STARD13: variants seen among roughly 807,000 people sequenced by gnomAD.
The protein encoded by STARD13 is StAR related lipid transfer domain containing 13, also known as stAR-related lipid transfer protein 13.
Under a neutral mutation model 106.4 loss-of-function variants are expected in STARD13, and 62 were observed. The ratio of observed to expected loss-of-function variants is 0.58; its 90% CI spans 0.48 to 0.72. STARD13 has a LOEUF of 0.72. Among genes scored for constraint, STARD13 ranks in the 30% least tolerant of loss-of-function variants. The probability of loss-of-function intolerance (pLI) is 0.00; values close to 1 mark genes in which losing one functional copy is unlikely to be tolerated. For synonymous variants in STARD13, 565 were observed against 553.0 expected (o/e 1.02, Z -0.31); for missense variants, 1,387 against 1,424.0 (o/e 0.97, Z 0.42).
rs530501025 is a variant in STARD13, at chr13:33,118,513, C to T, written c.2083-250G>A. Among the ~76,000 whole-genome samples, 8 of 152,258 alleles carry T rather than the reference C, an allele frequency of 5.3e-5. No homozygotes were observed. In the South Asian group the frequency reaches 1.5e-3, roughly 28 times the overall value. On this transcript the variant is annotated intron_variant, in intron 7 of 13. Coordinates refer to ENST00000336934, the MANE Select transcript of STARD13 (RefSeq NM_178006.4). ...AGGAAATAGATGTGCATGTGCTTTG[C>T]GACCTGTTACATCTTATCACACTGC...
chr13:33,540,361 T>C, the STARD13 span, among the ~76,000 whole-genome samples: 25 of 152,312 alleles, frequency 1.6e-4, no homozygotes, highest in African/African-American at 6.0e-4. Context: ...ATCACTACTA[T>C]TGGGCCTTGG....
intron 1 of STARD13, among the ~76,000 whole-genome samples, chr13:33,315,907 G>A (rs1289131597): frequency 6.6e-6 from 1 of 152,014 alleles, no homozygotes; most frequent in Non-Finnish European, 1.5e-5. Context: ...TGGGAGCAGT[G>A]GTTGATGCTC....
chr13:33,569,334 A>T, the STARD13 span, among the ~76,000 whole-genome samples: 10 of 148,108 alleles, frequency 6.8e-5, no homozygotes, highest in African/African-American at 2.5e-4. Flanking sequence ...AGCTGTAAAA[A>T]TACATAACCA....
At chr13:33,400,170 T>A in the STARD13 span, among the ~76,000 whole-genome samples, 331 of 152,262 alleles carry the variant, frequency 2.2e-3, no homozygotes, top group African/African-American at 7.8e-3. Flanking sequence ...ACCATCCTAC[T>A]CTCTGCTTCA....
At chr13:33,108,838 G>A (rs1373701833) in intron 12 of STARD13, among the ~76,000 whole-genome samples, 1 of 152,204 alleles carries the variant, frequency 6.6e-6, no homozygotes, top group East Asian at 1.9e-4. Flanking sequence ...GTGAAAGCAT[G>A]AAGTTTAATT....
the STARD13 span, among the ~76,000 whole-genome samples, chr13:33,424,147 A>G: frequency 1.3e-5 from 2 of 152,160 alleles, no homozygotes; most frequent in African/African-American, 4.8e-5. Flanking sequence ...CTGTTATACC[A>G]AAACAACCAA....
At chr13:33,314,271 G>A (rs957769225) in intron 1 of STARD13, among the ~76,000 whole-genome samples, 12 of 152,156 alleles carry the variant, frequency 7.9e-5, no homozygotes, top group Non-Finnish European at 1.5e-4. Flanking sequence ...AGAGATAGTG[G>A]CATCAGAGAA....
chr13:33,379,777 C>A, the STARD13 span, among the ~76,000 whole-genome samples: 1 of 152,344 alleles, frequency 6.6e-6, no homozygotes, highest in South Asian at 2.1e-4. Flanking sequence ...GGGATTCACA[C>A]CTGGCATTCT....
At chr13:33,218,822 A>G (rs1293703984) in intron 1 of STARD13, among the ~76,000 whole-genome samples, 3 of 152,226 alleles carry the variant, frequency 2.0e-5, no homozygotes, top group African/African-American at 7.2e-5. Context: ...TAAGATTTTG[A>G]TATTAAAAAG....
intron 1 of STARD13, among the ~76,000 whole-genome samples, chr13:33,341,556 A>C (rs1051845931): frequency 6.7e-6 from 1 of 149,714 alleles, no homozygotes. Flanking sequence ...GTGCCACTGC[A>C]CTCCAGCCTG....
chr13:33,350,540 G>A (rs2078066538), exon 1 of STARD13: 2 of 1,437,080 alleles, frequency 1.4e-6, no homozygotes, highest in Non-Finnish European at 1.8e-6. Flanking sequence ...GACCCAATGC[G>A]GGCGCGACAT....
At chr13:33,519,222 T>TTCTG in the STARD13 span, among the ~76,000 whole-genome samples, 7 of 142,294 alleles carry the variant, frequency 4.9e-5, no homozygotes, top group Non-Finnish European at 9.1e-5. Flanking sequence ...CTTTCTTTCT[T>TTCTG]TCTTTCTTTC....
the STARD13 span, among the ~76,000 whole-genome samples, chr13:33,602,974 T>C: frequency 1.3e-5 from 2 of 152,188 alleles, no homozygotes; most frequent in Non-Finnish European, 2.9e-5. Flanking sequence ...GACAGTTGTT[T>C]TGGGATAAAC....
At chr13:33,298,598 G>A (rs1009454857) in intron 1 of STARD13, among the ~76,000 whole-genome samples, 4 of 151,806 alleles carry the variant, frequency 2.6e-5, no homozygotes, top group Non-Finnish European at 1.5e-5. Context: ...TAAAAAAAAA[G>A]GTTTATAAGT....
chr13:33,377,652 T>C, the STARD13 span, among the ~76,000 whole-genome samples: 76 of 136,604 alleles, frequency 5.6e-4, no homozygotes, highest in East Asian at 0.012. Context: ...CAAGCTCCAC[T>C]TACAGAGGAT....
chr13:33,649,699 G>A, the STARD13 span, among the ~76,000 whole-genome samples: 1 of 152,154 alleles, frequency 6.6e-6, no homozygotes, highest in South Asian at 2.1e-4. Context: ...TAGAGATGAG[G>A]GCTTGGTAAT....
chr13:33,233,846 C>T (rs1370118166), intron 1 of STARD13, among the ~76,000 whole-genome samples: 2 of 152,232 alleles, frequency 1.3e-5, no homozygotes, highest in Admixed American at 1.3e-4. Context: ...GCAGGCCCTG[C>T]ACAGAAGTTG....
chr13:33,159,929 A>G (rs1318671867), intron 3 of STARD13, among the ~76,000 whole-genome samples: 1 of 152,242 alleles, frequency 6.6e-6, no homozygotes, highest in African/African-American at 2.4e-5. Context: ...CAGAGATTCC[A>G]CAAATCCAAA....
chr13:33,554,887 C>T, the STARD13 span, among the ~76,000 whole-genome samples: 8 of 152,036 alleles, frequency 5.3e-5, no homozygotes, highest in African/African-American at 1.4e-4. Context: ...AAAAGCCCTC[C>T]TAGTGTTTGG....
Sources: gnomAD v4.1 joint callset for allele counts (sites outside exome capture counted in the v4.1 genomes callset) on GRCh38, gnomAD v4.1.1 for gene constraint, MANE v1.5 for transcripts, NCBI Gene and HGNC (gene_info 2026-07-23, HGNC 2026-07-21) for gene names.